POMGNT1: variants seen among roughly 807,000 people sequenced by gnomAD.
POMGNT1 encodes the protein protein O-linked-mannose beta-1,2-N-acetylglucosaminyltransferase 1.
POMGNT1 carries 67 observed loss-of-function variants against 95.6 expected under a neutral mutation model. The observed-to-expected ratio is 0.70, with a 90% confidence interval of 0.58 to 0.86. The LOEUF (loss-of-function observed/expected upper bound fraction) is 0.86, where lower values mean the gene tolerates loss of function less well. Ranked by LOEUF, POMGNT1 falls within the 40% of genes least tolerant of loss-of-function variation. The pLI, the probability that POMGNT1 is intolerant of heterozygous loss-of-function variation, is 0.00. For synonymous variants in POMGNT1, 298 were observed against 317.9 expected (o/e 0.94, Z 0.66); for missense variants, 719 against 855.2 (o/e 0.84, Z 1.99).
chr1:46,198,542 T>TGGCGGC (rs930297008), upstream of POMGNT1: 1,416 of 76,448 alleles, frequency 0.019, 15 homozygotes, highest in African/African-American at 0.035. Context: ...GCGGCGGCGG[T>TGGCGGC]GGCGGCAGCG....
intron 18 of POMGNT1, 64 bp downstream of exon 18, chr1:46,190,656 A>G (rs1270692632): frequency 1.3e-6 from 2 of 1,548,136 alleles, no homozygotes; most frequent in Non-Finnish European, 8.9e-7. Flanking sequence ...ATTGGAAGGG[A>G]CTTTCAGGGA....
At position 46,189,093 on chromosome 1, in the gene POMGNT1, AG is replaced by A. The variant is rs1478140884; in HGVS notation, c.*176del. 3 of 1,504,282 alleles carry A rather than the reference AG, an allele frequency of 2.0e-6. No individual in the cohort carries two copies. Among genetic ancestry groups the A allele is most frequent in the Non-Finnish European group, 2.7e-6 (3 of 1,131,536 alleles). 93.2% of individuals were successfully genotyped at this position (1,504,282 alleles called of 1,614,324 possible). On this transcript the variant is annotated 3_prime_UTR_variant, in exon 22 of 22. Coordinates refer to ENST00000371984, the MANE Select transcript of POMGNT1 (RefSeq NM_017739.4). The stretch of plus-strand genomic sequence containing the variant: ...AAGTAAATAAATAGACTTTTAACTC[AG>A]GAACGGGGTGTTGGAGCAGGGGAAC...
At position 46,192,324 on chromosome 1, in the gene POMGNT1, C is replaced by A; in HGVS notation, c.1397G>T (p.Trp466Leu). ...SLYKEELEPK[W>L]PTPEKLWDWD... is the part of the protein sequence containing the mutation. ...GACAGTTACCTTTTCCGGTGTAGGC[C>A]ACTTGGGCTCAAGCTCCTCCTTGTA... is the stretch of plus-strand genomic sequence containing the variant. Residue 466 changes from tryptophan to leucine, a missense_variant, in exon 16 of 22, where the codon TGG becomes TTG. By Grantham distance (61) the Trp-to-Leu change is moderately conservative (BLOSUM62 -2). Transcript: ENST00000371984. The A allele has an allele frequency of 1.9e-6, 3 of 1,614,160 alleles. No homozygotes were observed. The highest frequency in any genetic ancestry group is 2.5e-6 in the Non-Finnish European group (3 of 1,180,032).
chr1:46,203,004 A>T (rs997193847), upstream of POMGNT1, among the ~76,000 whole-genome samples: 1 of 144,536 alleles, frequency 6.9e-6, no homozygotes, highest in Non-Finnish European at 1.5e-5. Context: ...CCTCTGCTCC[A>T]GGAAGACTTC....
chr1:46,194,294 T>C lies in POMGNT1; in HGVS notation c.859A>G (p.Ile287Val), dbSNP rs1658034175. The C allele has an allele frequency of 6.2e-7, 1 of 1,614,166 alleles. No individual in the cohort carries two copies. Among genetic ancestry groups the C allele is most frequent in the Non-Finnish European group, 8.5e-7 (1 of 1,180,012 alleles). ...CTCACTGGGTCAGGGCTGAACTCGA[T>C]GGGTGTGGGGTCCTTGCAGCTGCAT... ...SVCSCKDPTP[I>V]EFSPDPLPDN... The change falls in exon 9 of 22, where the codon ATC (isoleucine) becomes GTC (valine). Residue 287 changes from isoleucine (I) to valine (V), a missense_variant. This residue lies in a region of POMGNT1 where 466 missense variants were observed against 517.4 expected (regional missense o/e 0.90). Coordinates refer to ENST00000371984, the MANE Select transcript of POMGNT1 (RefSeq NM_017739.4).
intron 1 of POMGNT1, among the ~76,000 whole-genome samples, chr1:46,209,027 T>C (rs1456471711): frequency 6.6e-6 from 1 of 152,116 alleles, no homozygotes; most frequent in African/African-American, 2.4e-5. Flanking sequence ...AAAGCAACAC[T>C]TTTTTATTTT....
At chr1:46,195,642 T>C (rs1346649311) in intron 6 of POMGNT1, 169 bp downstream of exon 6, 6 of 726,648 alleles carry the variant, frequency 8.3e-6, no homozygotes, top group African/African-American at 1.7e-5. Context: ...CAGCTGTTGC[T>C]CAATAACTAT....
chr1:46,193,112 C>T, intron 13 of POMGNT1, 62 bp downstream of exon 13: 1 of 1,611,600 alleles, frequency 6.2e-7, no homozygotes, highest in Non-Finnish European at 8.5e-7. Context: ...ACGTAACAGG[C>T]CCAGACCTTA....
upstream of POMGNT1, among the ~76,000 whole-genome samples, chr1:46,202,915 G>GGT (rs1304067163): frequency 1.8e-5 from 2 of 109,956 alleles, no homozygotes; most frequent in African/African-American, 3.5e-5. Flanking sequence ...CTGGGGGGGG[G>GGT]GGGTGGTGTG....
chr1:46,197,188 T>G (rs894876862), intron 2 of POMGNT1, 104 bp from the exon 3 acceptor site: 11 of 1,603,158 alleles, frequency 6.9e-6, no homozygotes, highest in Admixed American at 1.7e-5. Context: ...CCAGAGAAAC[T>G]GGGTCCTGTC....
rs1658029444 is a variant in POMGNT1 at position 46,194,256 on chromosome 1, T to C, written c.879+18A>G. The C allele has an allele frequency of 6.2e-7, 1 of 1,614,030 alleles. No homozygotes were observed. The highest frequency in any genetic ancestry group is 1.7e-5 in the Admixed American group (1 of 60,006). On this transcript the variant is annotated intron_variant, in intron 9 of 21. Transcript: ENST00000371984. Reference sequence around the variant, plus strand: ...CTGGGAAGGAGTCCAAACCTCACTGTCTTAAGGCCCCACTCACTGGGTCAG... The same window carrying C: ...CTGGGAAGGAGTCCAAACCTCACTGCCTTAAGGCCCCACTCACTGGGTCAG...
intron 1 of POMGNT1, chr1:46,219,695 C>T: frequency 6.3e-7 from 1 of 1,575,900 alleles, no homozygotes; most frequent in Non-Finnish European, 8.6e-7. Context: ...TCCCACTCCC[C>T]CAGGCTTACC....
intron 13 of POMGNT1, 40 bp downstream of exon 13, chr1:46,193,133 TC>T (rs1295486038): frequency 8.1e-6 from 13 of 1,613,196 alleles, no homozygotes; most frequent in African/African-American, 1.3e-5. Flanking sequence ...TGCCCATGTT[TC>T]CCCCCTCCCA....
chr1:46,197,869 A>T lies in POMGNT1; in HGVS notation c.-48T>A. On this transcript the variant is annotated splice_region_variant and 5_prime_UTR_variant, in exon 2 of 22. Transcript: ENST00000371984. ...GTCCTGGCCAGCCCATGACTTCAGG[A>T]ATCTGAAGGGACCAGAGGGCCACAT... The T allele has an allele frequency of 6.2e-7, 1 of 1,612,366 alleles. No individual in the cohort carries two copies. The highest frequency in any genetic ancestry group is 8.5e-7 in the Non-Finnish European group (1 of 1,179,696).
intron 1 of POMGNT1, among the ~76,000 whole-genome samples, chr1:46,216,298 G>C (rs1295646617): frequency 1.3e-5 from 2 of 151,674 alleles, no homozygotes; most frequent in Non-Finnish European, 2.9e-5. Context: ...CACCCGCCTC[G>C]GCCTCCCAAA....
At position 46,197,012 on chromosome 1, in the gene POMGNT1, T is replaced by C. The variant is rs778277505; in HGVS notation, c.193A>G (p.Ile65Val). The C allele has an allele frequency of 6.2e-7, 1 of 1,614,156 alleles. No individual in the cohort carries two copies. Among genetic ancestry groups the C allele is most frequent in the Non-Finnish European group, 8.5e-7 (1 of 1,179,996 alleles). ...TCTGGGTCTTCATTGGCTTCACTGA[T>C]GGCTCGCCGAGTGTCCAGGATCAAC... is the stretch of plus-strand genomic sequence containing the variant. ...IKLILDTRRA[I>V]SEANEDPEPE... The change falls in exon 3 of 22, where the codon ATC becomes GTC. Residue 65 changes from isoleucine (I) to valine (V), a missense_variant. Coordinates refer to ENST00000371984, the MANE Select transcript of POMGNT1 (RefSeq NM_017739.4).
upstream of POMGNT1, chr1:46,203,371 C>T (rs1230986594): frequency 2.0e-5 from 29 of 1,423,460 alleles, no homozygotes; most frequent in East Asian, 5.4e-5. Flanking sequence ...AGGGAGGACC[C>T]CCGGGAGCCG....
chr1:46,218,738 T>C (rs556300616), intron 1 of POMGNT1, among the ~76,000 whole-genome samples: 18 of 152,064 alleles, frequency 1.2e-4, no homozygotes, highest in Non-Finnish European at 2.4e-4. Flanking sequence ...TCAAATTTAC[T>C]TCCAGTACAG....
At position 46,194,651 on chromosome 1, in the gene POMGNT1, C is replaced by G. The variant is rs1658075010; in HGVS notation, c.653G>C (p.Gly218Ala). 1 of 1,614,250 alleles carries G rather than the reference C, an allele frequency of 6.2e-7. No homozygotes were observed. Among genetic ancestry groups the G allele is most frequent in the Non-Finnish European group, 8.5e-7 (1 of 1,180,038 alleles). ...AGAATGTTTCTCCCCGAAGACAGGA[C>G]CTGGCAGGAGGCAGGAATGAGGGCC... The part of the protein sequence containing the change: ...DTWAFVGRKG[G>A]PVFGEKHSKS... The change falls in exon 8 of 22, where the codon GGT (glycine) becomes GCT (alanine). Residue 218 changes from glycine to alanine, a missense_variant and splice_region_variant. Gly to Ala is a moderately conservative substitution (Grantham distance 60). This residue lies in a region of POMGNT1 where 466 missense variants were observed against 517.4 expected (regional missense o/e 0.90). Transcript: ENST00000371984.
Sources: gnomAD v4.1 joint callset for allele counts (sites outside exome capture counted in the v4.1 genomes callset) on GRCh38, gnomAD v4.1.1 for gene constraint, gnomAD v4.1.1 regional missense constraint, MANE v1.5 for transcripts, NCBI Gene and HGNC (gene_info 2026-07-23, HGNC 2026-07-21) for gene names.